RALGAPA2: variants seen among roughly 807,000 people sequenced by gnomAD.
RALGAPA2 encodes the protein ral GTPase-activating protein subunit alpha-2.
Under a neutral mutation model 230.4 loss-of-function variants are expected in RALGAPA2, and 139 were observed. The observed-to-expected ratio is 0.60, with a 90% CI of 0.53 to 0.69. The LOEUF is 0.69. RALGAPA2 is among the 30% of genes least tolerant of loss of function. The probability of loss-of-function intolerance (pLI) is 0.00; values close to 1 mark genes in which losing one functional copy is unlikely to be tolerated. For missense variants in RALGAPA2, 2,163 were observed against 2,276.0 expected (o/e 0.95, Z 1.01); for synonymous variants, 847 against 837.8 (o/e 1.01, Z -0.19).
At chr20:20,434,566 G>A (rs1001016493) in intron 37 of RALGAPA2, among the ~76,000 whole-genome samples, 4 of 152,132 alleles carry the variant, frequency 2.6e-5, no homozygotes, top group African/African-American at 7.2e-5. Context: ...AGATGACCAC[G>A]TTCTGCATGG....
At position 20,392,976 on chromosome 20, in the gene RALGAPA2, T is replaced by C. The variant is rs944716349; in HGVS notation, c.*313A>G. 4 of 1,009,396 alleles carry C rather than the reference T, an allele frequency of 4.0e-6. No homozygotes were observed. The highest frequency in any genetic ancestry group is 1.7e-5 in the African/African-American group (1 of 58,350). 62.5% of individuals were successfully genotyped at this position (1,009,396 alleles called of 1,614,324 possible). A position where few individuals can be genotyped will look rare whatever the true frequency, so the allele number is the denominator to read the frequency against. On this transcript the variant is annotated 3_prime_UTR_variant, in exon 40 of 40. Transcript: ENST00000202677. Reference sequence around the variant, plus strand: ...CAGTGGGTTCATCTCTGGTTTTTGGTGACTTTTTCTTTTCTTCTTTGGAAG... The same window carrying C: ...CAGTGGGTTCATCTCTGGTTTTTGGCGACTTTTTCTTTTCTTCTTTGGAAG...
intron 31 of RALGAPA2, among the ~76,000 whole-genome samples, chr20:20,517,011 T>C (rs543138048): frequency 6.6e-6 from 1 of 152,244 alleles, no homozygotes; most frequent in South Asian, 2.1e-4. Flanking sequence ...TGCATGCTTG[T>C]GAAGGGTCGT....
rs535984545 is a variant in RALGAPA2, at chr20:20,557,308, T to TA, written c.3157-10477dup. Among the ~76,000 whole-genome samples the TA allele has an allele frequency of 3.9e-3, 581 of 147,614 alleles. 3 individuals carry two copies. The highest frequency in any genetic ancestry group is 0.012 in the African/African-American group (503 of 40,298). Reference sequence around the variant, plus strand: ...TGGGCGACAGAGTGATACTCCGTCTTAAAAAAAAAAGGGGTAAGTAAAATG... The same window carrying TA: ...TGGGCGACAGAGTGATACTCCGTCTTAAAAAAAAAAAGGGGTAAGTAAAATG... On this transcript the variant is annotated intron_variant, in intron 23 of 39. Transcript: ENST00000202677.
chr20:20,491,099 A>G (rs1243798114), intron 36 of RALGAPA2, among the ~76,000 whole-genome samples: 3 of 152,112 alleles, frequency 2.0e-5, no homozygotes, highest in African/African-American at 4.8e-5. Flanking sequence ...CAGCTGAGGA[A>G]GCTAAGATTC....
intron 16 of RALGAPA2, among the ~76,000 whole-genome samples, chr20:20,599,197 T>A (rs1209358656): frequency 6.6e-6 from 1 of 152,208 alleles, no homozygotes; most frequent in Non-Finnish European, 1.5e-5. Flanking sequence ...AGAGGGCATA[T>A]CTGGCCTTCA....
At chr20:20,483,187 A>C (rs1363350469) in intron 36 of RALGAPA2, among the ~76,000 whole-genome samples, 1 of 152,220 alleles carries the variant, frequency 6.6e-6, no homozygotes, top group Non-Finnish European at 1.5e-5. Flanking sequence ...GAAAGAGTAC[A>C]TGTTTTTATA....
At chr20:20,676,550 G>A (rs1202984480) in intron 2 of RALGAPA2, among the ~76,000 whole-genome samples, 2 of 152,184 alleles carry the variant, frequency 1.3e-5, no homozygotes, top group Non-Finnish European at 2.9e-5. Context: ...ACCAAACTAT[G>A]ATGGGTAATT....
intron 20 of RALGAPA2, among the ~76,000 whole-genome samples, chr20:20,575,311 A>T (rs1192150056): frequency 6.6e-6 from 1 of 152,140 alleles, no homozygotes; most frequent in African/African-American, 2.4e-5. Context: ...CTACATGCTC[A>T]GGACTGAACT....
intron 23 of RALGAPA2, among the ~76,000 whole-genome samples, chr20:20,571,116 A>G (rs1043227321): frequency 6.6e-6 from 1 of 152,224 alleles, no homozygotes; most frequent in Non-Finnish European, 1.5e-5. Context: ...GATCAGTACC[A>G]CTTTCTTCAA....
Position 20,437,519 on chromosome 20 carries a change from G to A in RALGAPA2, c.5496-25371C>T, listed in dbSNP as rs970743164. On this transcript the variant is annotated intron_variant, in intron 37 of 39. Coordinates refer to ENST00000202677, the MANE Select transcript of RALGAPA2 (RefSeq NM_020343.4). This position sits in a 1 kb window ranked among gnomAD's most constrained non-coding sequence, Gnocchi z 4.1. Reference sequence around the variant, plus strand: ...AAAGCGGAAGTCCTTACTGTGGCTGGCAAGGCCCTGCCCCACTGGGTGCCT... The same window carrying A: ...AAAGCGGAAGTCCTTACTGTGGCTGACAAGGCCCTGCCCCACTGGGTGCCT... 5.3e-5 allele frequency among the ~76,000 whole-genome samples: 8 copies of A among 152,170 alleles called. No individual in the cohort carries two copies. Among genetic ancestry groups the A allele is most frequent in the Non-Finnish European group, 1.2e-4 (8 of 68,026 alleles).
intron 26 of RALGAPA2, among the ~76,000 whole-genome samples, chr20:20,534,821 T>A (rs1181257932): frequency 6.6e-6 from 1 of 152,154 alleles, no homozygotes; most frequent in African/African-American, 2.4e-5. Flanking sequence ...TTATAGGCCA[T>A]CAATATAAAA....
At chr20:20,596,143 G>A (rs1041728309) in intron 16 of RALGAPA2, among the ~76,000 whole-genome samples, 1 of 152,044 alleles carries the variant, frequency 6.6e-6, no homozygotes, top group African/African-American at 2.4e-5. Flanking sequence ...AAATACAAAC[G>A]TCACTTCTTC....
rs1285412852 is a variant in RALGAPA2, at chr20:20,589,126, GATCTCAAC to G, written c.2439+134_2439+141del. ...ATAGAAAGCAAGCAAAATCTTAAAA[GATCTCAAC>G]ATCATTTGGGCCTATAAACTGTCTA... On this transcript the variant is annotated intron_variant, in intron 18 of 39. Transcript: ENST00000202677. 17 of 1,173,826 alleles carry G rather than the reference GATCTCAAC, an allele frequency of 1.4e-5. No homozygotes were observed. In the African/African-American group the frequency reaches 2.7e-4, roughly 19 times the overall value. The allele number at this position is 1,173,826 out of a possible 1,614,324, so 72.7% of individuals were successfully genotyped here. A position where few individuals can be genotyped will look rare whatever the true frequency, so the allele number is the denominator to read the frequency against.
intron 15 of RALGAPA2, among the ~76,000 whole-genome samples, chr20:20,604,911 A>G (rs990929701): frequency 1.3e-5 from 2 of 152,204 alleles, no homozygotes; most frequent in Non-Finnish European, 2.9e-5. Context: ...GTACAATGTA[A>G]TAGCCATTAT....
chr20:20,600,818 T>C (rs1275182614), intron 16 of RALGAPA2, among the ~76,000 whole-genome samples: 1 of 152,196 alleles, frequency 6.6e-6, no homozygotes, highest in African/African-American at 2.4e-5. Flanking sequence ...AAGTAAAATG[T>C]AGGGCGGGCG....
chr20:20,646,424 A>G (rs1344087477), intron 4 of RALGAPA2, among the ~76,000 whole-genome samples: 1 of 152,138 alleles, frequency 6.6e-6, no homozygotes, highest in Non-Finnish European at 1.5e-5. Context: ...GTTCCTCTAT[A>G]TATGTCATGC....
chr20:20,635,429 T>C lies in RALGAPA2; in HGVS notation c.994A>G (p.Lys332Glu), dbSNP rs2066825327. The C allele has an allele frequency of 6.3e-7, 1 of 1,596,322 alleles. No homozygotes were observed. The highest frequency in any genetic ancestry group is 8.5e-7 in the Non-Finnish European group (1 of 1,173,512). Residue 332 changes from lysine (K) to glutamate (E), a missense_variant, in exon 9 of 40, where the codon AAA becomes GAA. By Grantham distance (56) the Lys-to-Glu change is moderately conservative. Coordinates refer to ENST00000202677, the MANE Select transcript of RALGAPA2 (RefSeq NM_020343.4). ...GATGGATGGCATACCTGGATGATTT[T>C]AGGCAATACATCAACTCCATTTTTA... ...NTKNGVDVLP[K>E]IIQTVGGGAV...
In RALGAPA2 at chr20:20,588,080, G is replaced by T. The variant is rs62202180; in HGVS notation, c.2439+1188C>A. Among the ~76,000 whole-genome samples the T allele has an allele frequency of 3.2e-4, 48 of 152,250 alleles. 1 individual carries two copies. The highest frequency in any genetic ancestry group is 5.2e-4 in the Admixed American group (8 of 15,298). On this transcript the variant is annotated intron_variant, in intron 18 of 39. Transcript: ENST00000202677. ...TAGAGAACAGGGGTTATCTTGTAAA[G>T]AAATTATTTTATTCTATAAGTCATT...
chr20:20,450,182 C>G (rs2060956680), intron 37 of RALGAPA2, among the ~76,000 whole-genome samples: 1 of 152,190 alleles, frequency 6.6e-6, no homozygotes. Flanking sequence ...ACTGCGTCCT[C>G]AACTATTTCT....
Sources: gnomAD v4.1 joint callset for allele counts (sites outside exome capture counted in the v4.1 genomes callset) on GRCh38, gnomAD v4.1.1 for gene constraint, Gnocchi (gnomAD v3.1) non-coding constraint, MANE v1.5 for transcripts, NCBI Gene and HGNC (gene_info 2026-07-23, HGNC 2026-07-21) for gene names.